CAMTA1: variants seen among roughly 807,000 people sequenced by gnomAD.
The protein encoded by CAMTA1 is calmodulin-binding transcription activator 1.
A neutral mutation model predicts 170.9 loss-of-function variants in CAMTA1; 27 were observed. The observed-to-expected ratio is 0.16, with a 90% CI of 0.12 to 0.22. The LOEUF (loss-of-function observed/expected upper bound fraction) is 0.22, where lower values mean the gene tolerates loss of function less well. Ranked by LOEUF, CAMTA1 falls within the 10% of genes least tolerant of loss-of-function variation. The pLI is 1.00. For missense variants in CAMTA1, 1,619 were observed against 2,217.2 expected (o/e 0.73, Z 5.42); for synonymous variants, 833 against 891.5 (o/e 0.93, Z 1.17).
chr1:7,433,790 G>A (rs1167072238), intron 5 of CAMTA1, among the ~76,000 whole-genome samples: 1 of 152,190 alleles, frequency 6.6e-6, no homozygotes, highest in Non-Finnish European at 1.5e-5. Flanking sequence ...AGGGTAGAAG[G>A]AAGGGCCCTT....
At position 7,563,427 on chromosome 1, in the gene CAMTA1, C is replaced by T. The variant is rs776091382; in HGVS notation, c.511-76973C>T. ...CAGGACCTGGGAGGTCAGCGAGGCT[C>T]GGTGGGACCTGCTAGCAGCTCCCGT... On this transcript the variant is annotated intron_variant, in intron 6 of 22. Coordinates refer to ENST00000303635, the MANE Select transcript of CAMTA1 (RefSeq NM_015215.4). Among the ~76,000 whole-genome samples the T allele has an allele frequency of 1.2e-3, 183 of 152,186 alleles. 5 individuals are homozygous for T. Among genetic ancestry groups the T allele is most frequent in the Non-Finnish European group, 3.4e-4 (23 of 68,028 alleles).
At chr1:6,913,756 C>T (rs2149282282) in intron 3 of CAMTA1, among the ~76,000 whole-genome samples, 1 of 151,982 alleles carries the variant, frequency 6.6e-6, no homozygotes, top group African/African-American at 2.4e-5. Flanking sequence ...CTACTAGATG[C>T]ATCACAAAAG....
At chr1:7,329,549 G>A (rs528023158) in intron 5 of CAMTA1, among the ~76,000 whole-genome samples, 11 of 152,074 alleles carry the variant, frequency 7.2e-5, no homozygotes, top group East Asian at 3.9e-4. Context: ...TGTTTCTCCC[G>A]TGGCTAATCT....
chr1:7,494,828 G>T (rs1306229616), intron 6 of CAMTA1, among the ~76,000 whole-genome samples: 1 of 152,020 alleles, frequency 6.6e-6, no homozygotes, highest in Non-Finnish European at 1.5e-5. Flanking sequence ...AAAATAAAAG[G>T]CCAAGAGGTC....
At chr1:7,762,415 T>A (rs1221785264) in intron 22 of CAMTA1, among the ~76,000 whole-genome samples, 1 of 152,244 alleles carries the variant, frequency 6.6e-6, no homozygotes, top group East Asian at 1.9e-4. Flanking sequence ...TTTCTTAAAA[T>A]TTGTTTTAAA....
At chr1:6,976,769 C>T (rs538514722) in intron 3 of CAMTA1, among the ~76,000 whole-genome samples, 35 of 152,300 alleles carry the variant, frequency 2.3e-4, no homozygotes, top group African/African-American at 6.0e-4. Context: ...GATATGGTTT[C>T]GCTGTGTCCC....
intron 5 of CAMTA1, among the ~76,000 whole-genome samples, chr1:7,436,735 G>A (rs117035669): frequency 6.6e-6 from 1 of 152,282 alleles, no homozygotes; most frequent in East Asian, 1.9e-4. Flanking sequence ...TTTAGTTTCT[G>A]TCTCTTATTA....
At chr1:7,138,655 T>C (rs1184014439) in intron 4 of CAMTA1, among the ~76,000 whole-genome samples, 1 of 152,206 alleles carries the variant, frequency 6.6e-6, no homozygotes, top group Non-Finnish European at 1.5e-5. Context: ...TAAAAACTGG[T>C]ATCTTGTTTT....
chr1:7,696,179 T>TTTTTGTTTTGTTGTTGCTG (rs953041286), intron 11 of CAMTA1, among the ~76,000 whole-genome samples: 2 of 113,298 alleles, frequency 1.8e-5, no homozygotes, highest in Non-Finnish European at 3.7e-5. Context: ...GATCTCTAAG[T>TTTTTGTTTTGTTGTTGCTG]TTTTGTTTTG....
intron 3 of CAMTA1, among the ~76,000 whole-genome samples, chr1:6,979,935 A>G (rs1003771361): frequency 3.9e-5 from 6 of 152,132 alleles, no homozygotes; most frequent in Non-Finnish European, 8.8e-5. Context: ...GGCTCAGCCC[A>G]CTATGTGCGC....
chr1:7,201,897 C>G (rs374914281), intron 4 of CAMTA1, among the ~76,000 whole-genome samples: 3 of 152,126 alleles, frequency 2.0e-5, no homozygotes, highest in Non-Finnish European at 2.9e-5. Flanking sequence ...GAAGAAGCCC[C>G]ATGTGTCTAT....
chr1:7,733,258 A>G (rs953410371), intron 12 of CAMTA1, among the ~76,000 whole-genome samples: 5 of 152,148 alleles, frequency 3.3e-5, no homozygotes, highest in Non-Finnish European at 5.9e-5. Context: ...GCTAGGGTTC[A>G]GAATTAATTT....
In CAMTA1 at chr1:6,796,136, T is replaced by C. The variant is rs1472756422; in HGVS notation, c.45+10561T>C. Among the ~76,000 whole-genome samples the C allele has an allele frequency of 7.3e-5, 10 of 136,312 alleles. No homozygotes were observed. In the East Asian group the frequency reaches 1.0e-3, roughly 14 times the overall value. 89.4% of individuals were successfully genotyped at this position (136,312 alleles called of 152,430 possible). On this transcript the variant is annotated intron_variant, in intron 1 of 22. Transcript: ENST00000303635. ...CTTTGTTATAAAATAGCATTTCTTT[T>C]TTTTTTTTTTTTTTTTTTTTTTGGA...
Position 7,093,614 on chromosome 1 carries a change from G to A in CAMTA1, c.302+2243G>A, listed in dbSNP as rs1641736644. Among the ~76,000 whole-genome samples, 1 of 152,156 alleles carries A rather than the reference G, an allele frequency of 6.6e-6. No individual in the cohort carries two copies. Among genetic ancestry groups the A allele is most frequent in the African/African-American group, 2.4e-5 (1 of 41,428 alleles). On this transcript the variant is annotated intron_variant, in intron 4 of 22. Coordinates refer to ENST00000303635, the MANE Select transcript of CAMTA1 (RefSeq NM_015215.4). The surrounding 1 kb of genome is among the most constrained non-coding windows in gnomAD (Gnocchi z 4.6). ...AACAGTAGAACATTTCAAGGCAGCG[G>A]TTTTACCTCGAGTTTCAGCCTTTGG...
rs1557630387 is a variant in CAMTA1 at position 6,822,827 on chromosome 1, A to AC, written c.116-2265_116-2264insC. Among the ~76,000 whole-genome samples, 6 of 130,486 alleles carry AC rather than the reference A, an allele frequency of 4.6e-5. No homozygotes were observed. In the East Asian group the frequency reaches 1.4e-3, roughly 31 times the overall value. 85.6% of individuals were successfully genotyped at this position (130,486 alleles called of 152,430 possible). On this transcript the variant is annotated intron_variant, in intron 2 of 22. Transcript: ENST00000303635. Reference sequence around the variant, plus strand: ...ACACACACACACACACACACACACAAACACACACACACGCACACTCTTTAT... The same window carrying AC: ...ACACACACACACACACACACACACAACACACACACACACGCACACTCTTTAT...
intron 6 of CAMTA1, among the ~76,000 whole-genome samples, chr1:7,559,646 A>G (rs908502090): frequency 2.0e-5 from 3 of 152,100 alleles, no homozygotes; most frequent in Non-Finnish European, 4.4e-5. Context: ...CTGAGACATC[A>G]GGCAGGCTCT....
intron 11 of CAMTA1, chr1:7,698,274 T>C (rs1487851402): frequency 6.6e-6 from 1 of 152,182 alleles, no homozygotes; most frequent in Non-Finnish European, 1.5e-5. Context: ...TGATAGCTGA[T>C]TAGGTTAAAA....
At chr1:7,075,135 TC>T (rs1455855190) in intron 3 of CAMTA1, among the ~76,000 whole-genome samples, 2 of 152,344 alleles carry the variant, frequency 1.3e-5, no homozygotes, top group African/African-American at 4.8e-5. Flanking sequence ...TTGTGTTCTC[TC>T]CTACCGCTGA....
At chr1:7,143,166 G>T (rs1645985235) in intron 4 of CAMTA1, among the ~76,000 whole-genome samples, 1 of 152,146 alleles carries the variant, frequency 6.6e-6, no homozygotes, top group Non-Finnish European at 1.5e-5. Context: ...TGGAAGGTGG[G>T]GTCGTCAGCA....
Sources: allele counts gnomAD v4.1 joint callset (sites outside exome capture counted in the v4.1 genomes callset), GRCh38; gene constraint gnomAD v4.1.1; non-coding constraint Gnocchi (gnomAD v3.1); transcripts MANE v1.5; gene names NCBI Gene and HGNC (gene_info 2026-07-23, HGNC 2026-07-21).